SORCS2: variants seen among roughly 807,000 people sequenced by gnomAD.
SORCS2 encodes VPS10 domain-containing receptor SorCS2.
Under a neutral mutation model 141.6 loss-of-function variants are expected in SORCS2, and 100 were observed. The observed-to-expected ratio is 0.71, with a 90% CI of 0.60 to 0.83. SORCS2 has a LOEUF of 0.83. SORCS2 is among the 40% of genes least tolerant of loss of function. SORCS2 has a pLI of 0.00. For missense variants in SORCS2, 1,646 were observed against 1,560.2 expected (o/e 1.05, Z -0.93); for synonymous variants, 789 against 676.9 (o/e 1.17, Z -2.57).
chr4:7,473,709 G>T (rs566706199), intron 2 of SORCS2, among the ~76,000 whole-genome samples: 1 of 151,708 alleles, frequency 6.6e-6, no homozygotes, highest in African/African-American at 2.4e-5. Context: ...CTTTTGGGAG[G>T]AACTGCTCCT....
At chr4:7,196,689 C>T (rs1727188786) in intron 1 of SORCS2, among the ~76,000 whole-genome samples, 1 of 149,660 alleles carries the variant, frequency 6.7e-6, no homozygotes, top group African/African-American at 2.5e-5. Context: ...CTGTGCTGCG[C>T]CTACATGGTT....
intron 10 of SORCS2, among the ~76,000 whole-genome samples, chr4:7,687,483 G>A (rs2108979371): frequency 6.6e-6 from 1 of 152,206 alleles, no homozygotes; most frequent in East Asian, 1.9e-4. Context: ...TTTCATTGGG[G>A]CCCATTTGTC....
intron 3 of SORCS2, among the ~76,000 whole-genome samples, chr4:7,544,196 C>T (rs988303647): frequency 6.6e-6 from 1 of 152,198 alleles, no homozygotes; most frequent in African/African-American, 2.4e-5. Context: ...TCCCTTCATC[C>T]ATCCACTCGT....
intron 3 of SORCS2, among the ~76,000 whole-genome samples, chr4:7,558,312 GTGGCCT>G (rs1384996017): frequency 6.6e-6 from 1 of 152,154 alleles, no homozygotes; most frequent in Non-Finnish European, 1.5e-5. Flanking sequence ...GCATCGTAGG[GTGGCCT>G]TGGCCTTGGC....
intron 5 of SORCS2, among the ~76,000 whole-genome samples, chr4:7,655,005 T>A (rs1721669839): frequency 1.3e-5 from 2 of 152,156 alleles, no homozygotes; most frequent in African/African-American, 4.8e-5. Flanking sequence ...GGGATGCATC[T>A]ATGAGGGCTG....
At chr4:7,739,882 C>T (rs1419562119) in intron 26 of SORCS2, among the ~76,000 whole-genome samples, 2 of 152,226 alleles carry the variant, frequency 1.3e-5, no homozygotes, top group African/African-American at 4.8e-5. Flanking sequence ...GCCTCAGCCC[C>T]TCTCGCACCC....
At chr4:7,204,511 C>A (rs1327225597) in intron 1 of SORCS2, among the ~76,000 whole-genome samples, 1 of 152,162 alleles carries the variant, frequency 6.6e-6, no homozygotes, top group Non-Finnish European at 1.5e-5. Context: ...AGCCACCATG[C>A]CTGGCTTATG....
chr4:7,242,372 A>T (rs796808550), intron 1 of SORCS2, among the ~76,000 whole-genome samples: 21 of 151,018 alleles, frequency 1.4e-4, no homozygotes, highest in African/African-American at 2.7e-4. Flanking sequence ...TTTTTTTTTT[A>T]AATTTTATTT....
At chr4:7,668,895 A>G (rs1722647907) in intron 8 of SORCS2, among the ~76,000 whole-genome samples, 2 of 151,974 alleles carry the variant, frequency 1.3e-5, no homozygotes, top group Non-Finnish European at 1.5e-5. Context: ...TTAGGCCCAT[A>G]CAGGGACCCT....
In SORCS2 at chr4:7,711,449, G is replaced by A. The variant is rs537905297; in HGVS notation, c.1869-1284G>A. On this transcript the variant is annotated intron_variant, in intron 14 of 26. Transcript: ENST00000507866. Reference sequence around the variant, plus strand: ...CAGACAGGGACCAGACTGGAGCAGCGTGCATCACCTCCCCGACCCAGATGC... The same window carrying A: ...CAGACAGGGACCAGACTGGAGCAGCATGCATCACCTCCCCGACCCAGATGC... 2.6e-5 allele frequency among the ~76,000 whole-genome samples: 4 copies of A among 152,312 alleles called. No individual in the cohort carries two copies. The East Asian group carries it at 7.7e-4, about 29-fold the overall frequency.
Position 7,243,996 on chromosome 4 carries a change from T to C in SORCS2, c.480+50870T>C, listed in dbSNP as rs1332121995. Among the ~76,000 whole-genome samples the C allele has an allele frequency of 7.2e-5, 11 of 152,214 alleles. No individual in the cohort carries two copies. The South Asian group carries it at 1.7e-3, about 23-fold the overall frequency. On this transcript the variant is annotated intron_variant, in intron 1 of 26. Coordinates refer to ENST00000507866, the MANE Select transcript of SORCS2 (RefSeq NM_020777.3). ...CATGGCCAGAAGGAAATGCTCGCCC[T>C]GTTCTTGGTGTTGAGTCGTCTCCTC...
chr4:7,543,696 C>T (rs985971379), intron 3 of SORCS2, among the ~76,000 whole-genome samples: 2 of 53,224 alleles, frequency 3.8e-5, no homozygotes, highest in Admixed American at 2.3e-4. Context: ...ACCCATCCAC[C>T]CATCCATCCA....
intron 2 of SORCS2, among the ~76,000 whole-genome samples, chr4:7,459,658 C>A (rs1729161988): frequency 6.6e-6 from 1 of 152,162 alleles, no homozygotes; most frequent in Non-Finnish European, 1.5e-5. Flanking sequence ...GTCCAGGCCA[C>A]TGGTCTCTCT....
intron 1 of SORCS2, among the ~76,000 whole-genome samples, chr4:7,374,144 T>TTTCC (rs1560229287): frequency 7.1e-6 from 1 of 140,402 alleles, no homozygotes; most frequent in African/African-American, 2.7e-5. Context: ...TCTTTCTTTC[T>TTTCC]TTCTTTCTTT....
chr4:7,228,861 C>A (rs1380980035), intron 1 of SORCS2, among the ~76,000 whole-genome samples: 1 of 152,224 alleles, frequency 6.6e-6, no homozygotes, highest in Non-Finnish European at 1.5e-5. Context: ...CATGGTGTTC[C>A]TCCATGGCAT....
intron 3 of SORCS2, among the ~76,000 whole-genome samples, chr4:7,539,666 G>A (rs1043876617): frequency 2.3e-5 from 2 of 85,118 alleles, no homozygotes; most frequent in Non-Finnish European, 6.1e-5. Flanking sequence ...CTCCTTCCCA[G>A]CTGCAAGGCC....
intron 1 of SORCS2, among the ~76,000 whole-genome samples, chr4:7,226,773 G>A (rs1460703257): frequency 6.6e-5 from 10 of 152,156 alleles, no homozygotes; most frequent in African/African-American, 2.4e-4. Context: ...GTTGGTGGGG[G>A]ATGGAAGGGG....
rs530649521 is a variant in SORCS2, at chr4:7,527,774, A to G, written c.549-3756A>G. Reference sequence around the variant, plus strand: ...CTCATGCCAGGTGCTCCTTATGCACAGATGAGAGAGGAAGGGTACCCAGAC... The same window carrying G: ...CTCATGCCAGGTGCTCCTTATGCACGGATGAGAGAGGAAGGGTACCCAGAC... On this transcript the variant is annotated intron_variant, in intron 2 of 26. Coordinates refer to ENST00000507866, the MANE Select transcript of SORCS2 (RefSeq NM_020777.3). Among the ~76,000 whole-genome samples the G allele has an allele frequency of 2.4e-3, 366 of 152,286 alleles. 2 individuals are homozygous for G. Among genetic ancestry groups the G allele is most frequent in the African/African-American group, 8.5e-3 (352 of 41,548 alleles).
chr4:7,276,389 G>C (rs546840425), intron 1 of SORCS2, among the ~76,000 whole-genome samples: 1 of 152,132 alleles, frequency 6.6e-6, no homozygotes, highest in East Asian at 1.9e-4. Context: ...TACGTCCCCA[G>C]CTCCACCTTG....
Sources: gnomAD v4.1 joint callset for allele counts (sites outside exome capture counted in the v4.1 genomes callset) on GRCh38, gnomAD v4.1.1 for gene constraint, MANE v1.5 for transcripts, NCBI Gene and HGNC (gene_info 2026-07-23, HGNC 2026-07-21) for gene names.